Variants in NCAM2 observed in about 807,000 individuals in gnomAD.
NCAM2 encodes neural cell adhesion molecule 2.
NCAM2 carries 30 observed loss-of-function variants against 98.1 expected under a neutral mutation model. The ratio of observed to expected loss-of-function variants is 0.31; its 90% CI spans 0.23 to 0.41. The LOEUF (loss-of-function observed/expected upper bound fraction) is 0.41, where lower values mean the gene tolerates loss of function less well. NCAM2 is among the 10% of genes least tolerant of loss of function. NCAM2 has a pLI of 1.00. For synonymous variants in NCAM2, 368 were observed against 342.4 expected, an observed-to-expected ratio of 1.07 and a Z score of -0.83; for missense variants, 867 against 1,005.8, an observed-to-expected ratio of 0.86 and a Z score of 1.87.
Position 21,542,995 on chromosome 21 carries a change from T to C in NCAM2, c.*5038T>C, listed in dbSNP as rs770489075. ...AAACCCTGTTAGAAATATGTGAAGTTAGAAATAAAGGTTTTTTTAAAAAAA... is the reference window on the plus strand; with the variant it reads ...AAACCCTGTTAGAAATATGTGAAGTCAGAAATAAAGGTTTTTTTAAAAAAA... On this transcript the variant is annotated 3_prime_UTR_variant, in exon 18 of 18. Transcript: ENST00000400546. The C allele has an allele frequency of 6.2e-5, 8 of 128,670 alleles. No individual in the cohort carries two copies. The highest frequency in any genetic ancestry group is 1.0e-4 in the African/African-American group (3 of 29,898). The allele number at this position is 128,670 out of a possible 1,614,324, so 8.0% of individuals were successfully genotyped here.
chr21:21,439,140 C>G (rs1243666164), intron 12 of NCAM2, among the ~76,000 whole-genome samples: 3 of 141,102 alleles, frequency 2.1e-5, no homozygotes, highest in African/African-American at 8.0e-5. Context: ...TTTTTTGATA[C>G]AGAGTCTTGC....
chr21:21,099,829 A>C (rs2066202645), intron 1 of NCAM2, among the ~76,000 whole-genome samples: 2 of 151,416 alleles, frequency 1.3e-5, no homozygotes, highest in Non-Finnish European at 3.0e-5. Flanking sequence ...CACCTAACCC[A>C]CCCTGCCTGT....
At chr21:21,047,583 C>T (rs2065027324) in intron 1 of NCAM2, among the ~76,000 whole-genome samples, 1 of 152,158 alleles carries the variant, frequency 6.6e-6, no homozygotes. Flanking sequence ...ATTAAAACTT[C>T]AGAAAAATAT....
At chr21:21,145,635 AGT>A (rs2067256314) in intron 1 of NCAM2, among the ~76,000 whole-genome samples, 1 of 152,196 alleles carries the variant, frequency 6.6e-6, no homozygotes, top group Admixed American at 6.5e-5. Context: ...GCCAAAAAGA[AGT>A]GGGTAAGAGG....
At chr21:21,507,014 C>A (rs1257217045) in intron 15 of NCAM2, among the ~76,000 whole-genome samples, 1 of 150,858 alleles carries the variant, frequency 6.6e-6, no homozygotes, top group Non-Finnish European at 1.5e-5. Flanking sequence ...GATGAAGTGC[C>A]AGGCAAAATC....
intron 1 of NCAM2, among the ~76,000 whole-genome samples, chr21:21,224,034 A>G (rs566974139): frequency 5.9e-5 from 9 of 152,284 alleles, no homozygotes; most frequent in South Asian, 4.1e-4. Context: ...AACATTTATT[A>G]TCATTGCGGA....
intron 1 of NCAM2, among the ~76,000 whole-genome samples, chr21:21,256,445 G>C (rs565998855): frequency 6.6e-6 from 1 of 152,188 alleles, no homozygotes; most frequent in Admixed American, 6.5e-5. Context: ...CCTGTTCGTT[G>C]CCTGTAGATG....
intron 1 of NCAM2, among the ~76,000 whole-genome samples, chr21:21,042,615 C>T (rs1450659260): frequency 6.6e-6 from 1 of 152,058 alleles, no homozygotes; most frequent in Admixed American, 6.6e-5. Context: ...TTAATCTTGC[C>T]ATCTCTAAAT....
At chr21:21,248,720 T>C (rs1354895707) in intron 1 of NCAM2, among the ~76,000 whole-genome samples, 1 of 126,060 alleles carries the variant, frequency 7.9e-6, no homozygotes, top group Admixed American at 1.1e-4. Flanking sequence ...GAGCTTGCAG[T>C]GAGCTGAGAT....
intron 16 of NCAM2, among the ~76,000 whole-genome samples, chr21:21,519,717 CAG>C (rs1223962772): frequency 6.6e-6 from 1 of 151,992 alleles, no homozygotes; most frequent in Non-Finnish European, 1.5e-5. Context: ...TTTGGAAAAA[CAG>C]ATTTCAGCTC....
In NCAM2 at chr21:21,539,118, C is replaced by T. The variant is rs796821183; in HGVS notation, c.*1161C>T. On this transcript the variant is annotated 3_prime_UTR_variant, in exon 18 of 18. Coordinates refer to ENST00000400546, the MANE Select transcript of NCAM2 (RefSeq NM_004540.5). Reference sequence around the variant, plus strand: ...GTCATTTTAAGATTTTGATAAACAACTTTGGTTGAAGAAATTCCTTAAGTA... The same window carrying T: ...GTCATTTTAAGATTTTGATAAACAATTTTGGTTGAAGAAATTCCTTAAGTA... 1.3e-5 allele frequency: 2 copies of T among 152,254 alleles called. No individual in the cohort carries two copies. The highest frequency in any genetic ancestry group is 4.8e-5 in the African/African-American group (2 of 41,552). 9.4% of individuals were successfully genotyped at this position (152,254 alleles called of 1,614,324 possible).
chr21:21,449,544 G>C (rs976334008), intron 12 of NCAM2, among the ~76,000 whole-genome samples: 3 of 151,870 alleles, frequency 2.0e-5, no homozygotes, highest in African/African-American at 4.8e-5. Flanking sequence ...TATTGATAGC[G>C]CATTTTAGAT....
At chr21:21,158,772 A>G (rs2067690600) in intron 1 of NCAM2, among the ~76,000 whole-genome samples, 1 of 152,124 alleles carries the variant, frequency 6.6e-6, no homozygotes, top group Admixed American at 6.5e-5. Flanking sequence ...TATAGCACAT[A>G]TGTTTATATA....
intron 1 of NCAM2, among the ~76,000 whole-genome samples, chr21:21,268,964 A>C (rs2077621631): frequency 6.6e-6 from 1 of 152,190 alleles, no homozygotes; most frequent in South Asian, 2.1e-4. Context: ...CTGTCCCCAC[A>C]TGTAACCTGA....
intron 11 of NCAM2, among the ~76,000 whole-genome samples, chr21:21,423,996 G>C (rs1482856197): frequency 6.6e-6 from 1 of 152,130 alleles, no homozygotes; most frequent in Middle Eastern, 3.4e-3. Context: ...CCAGACCTTT[G>C]CTCCATAACA....
At chr21:21,355,751 G>A (rs893860602) in intron 8 of NCAM2, among the ~76,000 whole-genome samples, 3 of 151,624 alleles carry the variant, frequency 2.0e-5, no homozygotes. Context: ...GAGTAGCTGG[G>A]ACTACAGGCG....
chr21:21,062,905 T>C (rs957623911), intron 1 of NCAM2, among the ~76,000 whole-genome samples: 2 of 152,174 alleles, frequency 1.3e-5, no homozygotes, highest in Non-Finnish European at 1.5e-5. Context: ...ATACTTGATT[T>C]TGGTTCTCAA....
At chr21:21,035,843 A>G (rs1191356566) in intron 1 of NCAM2, among the ~76,000 whole-genome samples, 1 of 152,214 alleles carries the variant, frequency 6.6e-6, no homozygotes, top group Admixed American at 6.5e-5. Flanking sequence ...TACCTTGGAC[A>G]AGACTTAAAA....
Position 21,334,619 on chromosome 21 carries a change from A to G in NCAM2, c.738-886A>G, listed in dbSNP as rs533711522. ...TGCAAAATACTATTATAAGAAAAAT[A>G]CAGGAGGGGATGCAAAGAAGAGAAA... On this transcript the variant is annotated intron_variant, in intron 6 of 17. Coordinates refer to ENST00000400546, the MANE Select transcript of NCAM2 (RefSeq NM_004540.5). Among the ~76,000 whole-genome samples, 11 of 152,224 alleles carry G rather than the reference A, an allele frequency of 7.2e-5. No homozygotes were observed. In the South Asian group the frequency reaches 2.1e-3, roughly 29 times the overall value.
Sources: gnomAD v4.1 joint callset for allele counts (sites outside exome capture counted in the v4.1 genomes callset) on GRCh38, gnomAD v4.1.1 for gene constraint, MANE v1.5 for transcripts, NCBI Gene and HGNC (gene_info 2026-07-23, HGNC 2026-07-21) for gene names.